Variants in PLG observed in about 807,000 individuals in gnomAD.
PLG encodes the protein plasminogen, also known as plasmin.
A neutral mutation model predicts 104.4 loss-of-function variants in PLG; 41 were observed. The ratio of observed to expected loss-of-function variants is 0.39; its 90% confidence interval spans 0.31 to 0.51. The LOEUF (loss-of-function observed/expected upper bound fraction) is 0.51. Among genes scored for constraint, PLG ranks in the 20% least tolerant of loss-of-function variants. The pLI is 0.76. For missense variants in PLG, 891 were observed against 1,003.6 expected (o/e 0.89, Z 1.52); for synonymous variants, 337 against 357.1 (o/e 0.94, Z 0.63).
chr6:160,728,683 G>A (rs555043398), intron 10 of PLG, among the ~76,000 whole-genome samples: 2 of 152,036 alleles, frequency 1.3e-5, no homozygotes, highest in South Asian at 2.1e-4. Context: ...TGAAACAATC[G>A]GATATCCATC....
intron 4 of PLG, chr6:160,711,672 G>T: frequency 1.2e-6 from 2 of 1,610,740 alleles, no homozygotes; most frequent in East Asian, 2.2e-5. Context: ...GGATATGGAG[G>T]TTTCTTGAAG....
At chr6:160,715,053 C>A in intron 6 of PLG, 139 bp downstream of exon 6, 2 of 831,898 alleles carry the variant, frequency 2.4e-6, no homozygotes, top group Non-Finnish European at 3.9e-6. Flanking sequence ...AACCTCCTCC[C>A]ACAATATTGC....
intron 9 of PLG, 59 bp from the exon 10 acceptor site, chr6:160,722,349 C>T (rs1230936787): frequency 4.4e-5 from 58 of 1,311,592 alleles, no homozygotes. Context: ...TCATAAATTG[C>T]TTCATGCTTC....
intron 1 of PLG, among the ~76,000 whole-genome samples, chr6:160,704,940 G>A (rs550747566): frequency 7.6e-4 from 115 of 152,232 alleles, no homozygotes; most frequent in Middle Eastern, 6.8e-3. Context: ...AAACCAATGC[G>A]CTCTGCAGTG....
intron 1 of PLG, chr6:160,706,160 G>A (rs1777517956): frequency 1.8e-6 from 1 of 547,666 alleles, no homozygotes; most frequent in Non-Finnish European, 3.3e-6. Context: ...TTCAGCCCTT[G>A]CCTTGCTCCC....
chr6:160,716,779 A>C lies in PLG; in HGVS notation c.787+16A>C, dbSNP rs1386678949. 2 of 1,419,764 alleles carry C rather than the reference A, an allele frequency of 1.4e-6. No individual in the cohort carries two copies. Among genetic ancestry groups the C allele is most frequent in the Non-Finnish European group, 2.0e-6 (2 of 1,002,770 alleles). 87.9% of individuals were successfully genotyped at this position (1,419,764 alleles called of 1,614,324 possible). On this transcript the variant is annotated intron_variant, in intron 7 of 18. Transcript: ENST00000308192. The stretch of plus-strand genomic sequence containing the variant: ...CCCCGCTGCAGTGAGTATGATGCAC[A>C]CCCAGATTCCAGGATTTGGACCTGC...
rs1777564168 is a variant in PLG, at chr6:160,707,995, CTTAGAT to C, written c.292+193_292+198del. 7.1e-6 allele frequency: 4 copies of C among 566,538 alleles called. No homozygotes were observed. In the South Asian group the frequency reaches 8.5e-5, roughly 12 times the overall value. 35.1% of individuals were successfully genotyped at this position (566,538 alleles called of 1,614,324 possible). On this transcript the variant is annotated intron_variant, in intron 3 of 18. Transcript: ENST00000308192. Reference sequence around the variant, plus strand: ...TCAGCTTGAGTGTATTACTTCACCTCTTAGATTTAATTTTTTTTGTTCAAAAGATGA... The same window carrying C: ...TCAGCTTGAGTGTATTACTTCACCTCTTAATTTTTTTTGTTCAAAAGATGA...
chr6:160,753,901 C>A lies in PLG; in HGVS notation c.*840C>A, dbSNP rs4252199. Among the ~76,000 whole-genome samples, 1 of 152,188 alleles carries A rather than the reference C, an allele frequency of 6.6e-6. No homozygotes were observed. Among genetic ancestry groups the A allele is most frequent in the East Asian group, 1.9e-4 (1 of 5,198 alleles). On this transcript the variant is annotated 3_prime_UTR_variant, in exon 19 of 19. Transcript: ENST00000308192. The surrounding 1 kb of genome is among the most constrained non-coding windows in gnomAD (Gnocchi z 5.4). ...AAGGAAGAGAAAGGACAAAGGCACACGTTTTACCATTTAAAATATTGTTAC... is the reference window on the plus strand; with the variant it reads ...AAGGAAGAGAAAGGACAAAGGCACAAGTTTTACCATTTAAAATATTGTTAC...
rs888725669 is a variant in PLG at position 160,726,794 on chromosome 6, T to C, written c.1256+4227T>C. 6.6e-6 allele frequency among the ~76,000 whole-genome samples: 1 copy of C among 151,778 alleles called. No homozygotes were observed. The highest frequency in any genetic ancestry group is 1.5e-5 in the Non-Finnish European group (1 of 67,806). On this transcript the variant is annotated intron_variant, in intron 10 of 18. Transcript: ENST00000308192. This position sits in a 1 kb window ranked among gnomAD's most constrained non-coding sequence, Gnocchi z 4.4. ...ATTACAAAATGAAAGCTCTTTAGGG[T>C]CCCCAATACTTTTTAAGAGTTAAAG...
At chr6:160,714,164 A>G (rs565822916) in intron 5 of PLG, among the ~76,000 whole-genome samples, 1 of 152,322 alleles carries the variant, frequency 6.6e-6, no homozygotes, top group East Asian at 1.9e-4. Context: ...CTGCCTCACC[A>G]TGTTACTTCA....
Position 160,718,494 on chromosome 6 carries a change from G to A in PLG, c.950+38G>A, listed in dbSNP as rs774499045. 7.1e-6 allele frequency: 11 copies of A among 1,551,304 alleles called. No individual in the cohort carries two copies. The South Asian group carries it at 1.0e-4, about 14-fold the overall frequency. On this transcript the variant is annotated intron_variant, in intron 8 of 18. Transcript: ENST00000308192. ...CGGTCTCATTCTGCTGCTATGGAAT[G>A]TGAAATCCCATTGACTTTGCCTTAG...
chr6:160,703,523 C>T (rs1279939247), intron 1 of PLG, among the ~76,000 whole-genome samples: 2 of 152,158 alleles, frequency 1.3e-5, no homozygotes, highest in Non-Finnish European at 2.9e-5. Context: ...CGGAATCATA[C>T]GATTTGCTAG....
intron 3 of PLG, 148 bp from the exon 4 acceptor site, chr6:160,710,929 C>A (rs1364533895): frequency 1.2e-5 from 9 of 727,906 alleles, no homozygotes; most frequent in Non-Finnish European, 2.0e-5. Flanking sequence ...TTTACTGCAG[C>A]CTTTTTGCAG....
intron 3 of PLG, chr6:160,708,677 T>C (rs1318935437): frequency 2.0e-5 from 3 of 152,226 alleles, no homozygotes; most frequent in African/African-American, 4.8e-5. Context: ...TGGAAACACC[T>C]TAGTTCTTGT....
intron 3 of PLG, 101 bp from the exon 4 acceptor site, chr6:160,710,976 G>T (rs894353244): frequency 9.9e-7 from 1 of 1,010,570 alleles, no homozygotes; most frequent in South Asian, 1.3e-5. Context: ...AGAAACAGGG[G>T]GTCTGGTGCA....
At chr6:160,751,305 GA>G (rs1306517576) in intron 17 of PLG, among the ~76,000 whole-genome samples, 3 of 152,286 alleles carry the variant, frequency 2.0e-5, no homozygotes, top group South Asian at 4.1e-4. Context: ...TTTGGGCAGT[GA>G]CTCCACAGAC....
At chr6:160,730,616 A>G (rs1001362334) in intron 10 of PLG, 1 of 161,014 alleles carries the variant, frequency 6.2e-6, no homozygotes, top group Non-Finnish European at 1.4e-5. Flanking sequence ...TTTAGTTCCA[A>G]TGCACATTTC....
chr6:160,721,496 G>T (rs538900596), intron 9 of PLG, among the ~76,000 whole-genome samples: 2 of 152,306 alleles, frequency 1.3e-5, no homozygotes, highest in African/African-American at 4.8e-5. Context: ...ATGTGCTGCT[G>T]CTATCTTTTA....
chr6:160,730,564 T>A (rs1392580228), intron 10 of PLG, among the ~76,000 whole-genome samples: 1 of 152,248 alleles, frequency 6.6e-6, no homozygotes, highest in Non-Finnish European at 1.5e-5. Context: ...GGCCTGGGAA[T>A]GATACCATCT....
Sources: allele counts gnomAD v4.1 joint callset (sites outside exome capture counted in the v4.1 genomes callset), GRCh38; gene constraint gnomAD v4.1.1; non-coding constraint Gnocchi (gnomAD v3.1); transcripts MANE v1.5; gene names NCBI Gene and HGNC (gene_info 2026-07-23, HGNC 2026-07-21).